VWA5B1: variants seen among roughly 807,000 people sequenced by gnomAD.
The protein encoded by VWA5B1 is von Willebrand factor A domain containing 5B1, also known as von Willebrand factor A domain-containing protein 5B1.
VWA5B1 carries 115 observed loss-of-function variants against 118.2 expected under a neutral mutation model. The observed-to-expected ratio is 0.97, with a 90% CI of 0.84 to 1.14. VWA5B1 has a LOEUF of 1.14. Among genes scored for constraint, VWA5B1 ranks in the 50% most tolerant of loss-of-function variants. VWA5B1 has a pLI of 0.00. For synonymous variants in VWA5B1, 682 were observed against 658.4 expected (o/e 1.04, Z -0.55); for missense variants, 1,596 against 1,603.8 (o/e 1.00, Z 0.08).
chr1:20,331,209 C>T (rs1570160322), intron 11 of VWA5B1, among the ~76,000 whole-genome samples: 1 of 152,240 alleles, frequency 6.6e-6, no homozygotes, highest in African/African-American at 2.4e-5. Flanking sequence ...ACTGGACACA[C>T]ACTCCATCCA....
At chr1:20,353,547 T>C (rs557579079) in intron 21 of VWA5B1, among the ~76,000 whole-genome samples, 5 of 152,186 alleles carry the variant, frequency 3.3e-5, no homozygotes, top group Non-Finnish European at 5.9e-5. Context: ...GAGGCAAATA[T>C]GGAGTGAAGA....
chr1:20,298,788 C>T (rs576200361), intron 1 of VWA5B1, among the ~76,000 whole-genome samples: 2 of 152,264 alleles, frequency 1.3e-5, no homozygotes, highest in South Asian at 4.1e-4. Context: ...TCTCTGCTTC[C>T]TTGTCCCTGG....
chr1:20,354,327 C>T lies in VWA5B1; in HGVS notation c.*64C>T, dbSNP rs1272784718. ...AGGAGAGGGATGGGCAGGGCCATGTCGGCCTGGTTTCGGGGAGCTTTTGGA... is the reference window on the plus strand; with the variant it reads ...AGGAGAGGGATGGGCAGGGCCATGTTGGCCTGGTTTCGGGGAGCTTTTGGA... On this transcript the variant is annotated 3_prime_UTR_variant, in exon 22 of 22. Coordinates refer to ENST00000289815, the MANE Select transcript of VWA5B1 (RefSeq NM_001039500.3). The T allele has an allele frequency of 2.7e-6, 4 of 1,476,094 alleles. No homozygotes were observed. The highest frequency in any genetic ancestry group is 1.4e-5 in the African/African-American group (1 of 71,280). 91.4% of individuals were successfully genotyped at this position (1,476,094 alleles called of 1,614,324 possible).
At chr1:20,345,313 T>C (rs1355094397) in intron 16 of VWA5B1, 143 bp from the exon 17 acceptor site, 1 of 1,007,492 alleles carries the variant, frequency 9.9e-7, no homozygotes, top group Non-Finnish European at 1.4e-6. Context: ...AGTTAGCAAG[T>C]TGGCAAGCCC....
At chr1:20,309,924 T>TGTGTGTGC (rs1305194643) in intron 1 of VWA5B1, among the ~76,000 whole-genome samples, 2 of 145,948 alleles carry the variant, frequency 1.4e-5, no homozygotes, top group Non-Finnish European at 3.0e-5. Flanking sequence ...TGTGTGTGTG[T>TGTGTGTGC]GTGTGTGTGT....
intron 2 of VWA5B1, among the ~76,000 whole-genome samples, chr1:20,311,844 C>A (rs1383001283): frequency 6.6e-6 from 1 of 152,200 alleles, no homozygotes; most frequent in Non-Finnish European, 1.5e-5. Context: ...TTAGAAATCT[C>A]CTGGGCAGGG....
At chr1:20,330,137 CTG>C in intron 9 of VWA5B1, 41 bp from the exon 10 acceptor site, 1 of 1,549,592 alleles carries the variant, frequency 6.5e-7, no homozygotes, top group South Asian at 1.2e-5. Context: ...TCTAGAGTCT[CTG>C]TACCATACGG....
chr1:20,331,067 C>A, intron 11 of VWA5B1, 84 bp downstream of exon 11: 1 of 1,172,542 alleles, frequency 8.5e-7, no homozygotes, highest in Non-Finnish European at 1.2e-6. Flanking sequence ...AGTGGTGGAG[C>A]TGGGATGACA....
chr1:20,343,154 G>A lies in VWA5B1; in HGVS notation c.2387G>A (p.Arg796Gln), dbSNP rs1330892323. Residue 796 changes from arginine (R) to glutamine (Q), a missense_variant, in exon 16 of 22, where the codon CGA becomes CAA. Physicochemically the swap from Arg to Gln is conservative, Grantham distance 43. Coordinates refer to ENST00000289815, the MANE Select transcript of VWA5B1 (RefSeq NM_001039500.3). ...DWDPPAESQE[R>Q]ASPSRPATPA... ...GACCCCCCAGCCGAGTCCCAGGAGC[G>A]AGCCAGTCCCAGCAGGCCCGCCACC... 1 of 1,548,024 alleles carries A rather than the reference G, an allele frequency of 6.5e-7. No homozygotes were observed. Among genetic ancestry groups the A allele is most frequent in the Non-Finnish European group, 8.7e-7 (1 of 1,145,336 alleles).
In VWA5B1 at chr1:20,323,454, G is replaced by A. The variant is rs1447918174; in HGVS notation, c.1065G>A (p.Leu355=). 1 of 1,538,032 alleles carries A rather than the reference G, an allele frequency of 6.5e-7. No homozygotes were observed. Among genetic ancestry groups the A allele is most frequent in the Admixed American group, 2.0e-5 (1 of 48,876 alleles). The change falls in exon 8 of 22, where the codon CTG becomes CTA. Residue 355 remains leucine (L), a synonymous_variant. Transcript: ENST00000289815. The stretch of plus-strand genomic sequence containing the variant: ...ACCTCCAGTCAGTCCAGCCGTGCCT[G>A]AGAAAGGCCCACGGGGAGTTCATCT... ...CPDLQSVQPC[L]RKAHGEFIFL...
At chr1:20,326,291 G>C (rs2089377584) in intron 8 of VWA5B1, among the ~76,000 whole-genome samples, 2 of 152,036 alleles carry the variant, frequency 1.3e-5, no homozygotes. Context: ...TCCTCTTGCA[G>C]CTGTTTTCTT....
chr1:20,342,447 G>A lies in VWA5B1; in HGVS notation c.2149G>A (p.Gly717Ser). 6.4e-7 allele frequency: 1 copy of A among 1,551,068 alleles called. No homozygotes were observed. Among genetic ancestry groups the A allele is most frequent in the Non-Finnish European group, 8.7e-7 (1 of 1,146,894 alleles). The change falls in exon 15 of 22, where the codon GGT becomes AGT. Residue 717 changes from glycine to serine, a missense_variant. Transcript: ENST00000289815. ...CCATCCCTAGCCCTTGCTGAACAGT[G>A]GTCAGGACCTGAACCAGGGCCCCAA... is the stretch of plus-strand genomic sequence containing the variant. ...QIDLQPLLNS[G>S]QDLNQGPKLR...
chr1:20,337,571 C>G, intron 13 of VWA5B1, 75 bp from the exon 14 acceptor site: 2 of 1,444,370 alleles, frequency 1.4e-6, no homozygotes, highest in Non-Finnish European at 1.9e-6. Flanking sequence ...CACTTCCAAA[C>G]AGGAAAGGGG....
chr1:20,322,424 G>C (rs765712821), intron 7 of VWA5B1, among the ~76,000 whole-genome samples: 1 of 152,180 alleles, frequency 6.6e-6, no homozygotes, highest in Non-Finnish European at 1.5e-5. Flanking sequence ...AGAAGCAAGG[G>C]GAAGGGTCCT....
At position 20,348,247 on chromosome 1, in the gene VWA5B1, G is replaced by A; in HGVS notation, c.2767G>A (p.Ala923Thr). 1 of 1,551,596 alleles carries A rather than the reference G, an allele frequency of 6.4e-7. No individual in the cohort carries two copies. The highest frequency in any genetic ancestry group is 8.7e-7 in the Non-Finnish European group (1 of 1,146,980). ...GCTTCCCCTTGTCTTCCGCGAAGGA[G>A]CTGCCCTGCGTATGCTTGGCTCTCG... is the stretch of plus-strand genomic sequence containing the variant. ...PTVVEYPNSG[A>T]ALRMLGSRAL... The change falls in exon 18 of 22, where the codon GCT becomes ACT. Residue 923 changes from alanine to threonine, a missense_variant and splice_region_variant. By Grantham distance (58) the Ala-to-Thr change is moderately conservative. Transcript: ENST00000289815.
At position 20,292,247 on chromosome 1, in the gene VWA5B1, C is replaced by T. The variant is rs1021078804; in HGVS notation, c.-27+1159C>T. 4.6e-5 allele frequency among the ~76,000 whole-genome samples: 7 copies of T among 150,938 alleles called. 1 individual carries two copies. The highest frequency in any genetic ancestry group is 7.3e-5 in the African/African-American group (3 of 40,910). On this transcript the variant is annotated intron_variant, in intron 1 of 21. Transcript: ENST00000289815. ...AGGAAGTAAGTCTTCTCTGCTGAGG[C>T]GCAGCCCCTTCCCTGGGCTCACCTG... is the stretch of plus-strand genomic sequence containing the variant.
At position 20,356,755 on chromosome 1, in the gene VWA5B1, A is replaced by G. The variant is rs1458759670; in HGVS notation, c.*2492A>G. ...ACCCTGGCTCCCCTGCCCAGCCCCA[A>G]AGGTGCAGAAGAACAAATCTTCATT... On this transcript the variant is annotated 3_prime_UTR_variant, in exon 22 of 22. Transcript: ENST00000289815. Among the ~76,000 whole-genome samples, 1 of 152,182 alleles carries G rather than the reference A, an allele frequency of 6.6e-6. No homozygotes were observed. Among genetic ancestry groups the G allele is most frequent in the Non-Finnish European group, 1.5e-5 (1 of 68,020 alleles).
chr1:20,343,457 C>A (rs1198174853), intron 16 of VWA5B1, 64 bp downstream of exon 16: 1 of 1,450,326 alleles, frequency 6.9e-7, no homozygotes. Context: ...CGCTCCACAG[C>A]CGCTCCCCCT....
intron 1 of VWA5B1, among the ~76,000 whole-genome samples, chr1:20,298,957 C>A (rs74057849): frequency 0.037 from 5,609 of 152,200 alleles, 117 homozygotes; most frequent in Middle Eastern, 0.082. Context: ...GGCCGGAGTT[C>A]AGTTCCCAGA....
Sources: allele counts gnomAD v4.1 joint callset (sites outside exome capture counted in the v4.1 genomes callset), GRCh38; gene constraint gnomAD v4.1.1; transcripts MANE v1.5; gene names NCBI Gene and HGNC (gene_info 2026-07-23, HGNC 2026-07-21).